DIAPH3: variants seen among roughly 807,000 people sequenced by gnomAD.
The protein encoded by DIAPH3 is protein diaphanous homolog 3.
Under a neutral mutation model 144.3 loss-of-function variants are expected in DIAPH3, and 117 were observed. The observed-to-expected ratio is 0.81, with a 90% CI of 0.70 to 0.95. The LOEUF (loss-of-function observed/expected upper bound fraction) is 0.95. Among genes scored for constraint, DIAPH3 ranks in the 40% least tolerant of loss-of-function variants. The pLI, the probability that DIAPH3 is intolerant of heterozygous loss-of-function variation, is 0.00. For synonymous variants in DIAPH3, 519 were observed against 488.9 expected (o/e 1.06, Z -0.81); for missense variants, 1,421 against 1,412.7 (o/e 1.01, Z -0.09).
intron 20 of DIAPH3, among the ~76,000 whole-genome samples, chr13:59,897,355 G>A (rs562205036): frequency 5.9e-5 from 9 of 152,306 alleles, no homozygotes; most frequent in Admixed American, 2.0e-4. Context: ...ATAACTCTAC[G>A]ACAGTGATGG....
At chr13:60,026,773 T>A (rs1002482251) in intron 5 of DIAPH3, among the ~76,000 whole-genome samples, 1 of 152,208 alleles carries the variant, frequency 6.6e-6, no homozygotes. Context: ...TTTAAGTAGA[T>A]AATATTATAC....
chr13:60,097,266 G>C (rs554908944), intron 3 of DIAPH3, among the ~76,000 whole-genome samples: 1 of 152,300 alleles, frequency 6.6e-6, no homozygotes, highest in South Asian at 2.1e-4. Context: ...TGGAAGTAGG[G>C]CCTAGTGGGA....
At chr13:59,876,158 G>C (rs2044614054) in intron 21 of DIAPH3, among the ~76,000 whole-genome samples, 1 of 152,080 alleles carries the variant, frequency 6.6e-6, no homozygotes, top group Admixed American at 6.6e-5. Flanking sequence ...TTGTGTAGAA[G>C]CTTATCATCA....
Position 59,839,436 on chromosome 13 carries a change from GTT to G in DIAPH3, c.2748_2749del (p.Glu916AspfsTer17). ...CATCTGCCTCAAATTCTTTTCCAGCGTTTCTACAGAGACTAAAAGAGAGTATA... is the reference window on the plus strand; with the variant it reads ...CATCTGCCTCAAATTCTTTTCCAGCGTCTACAGAGACTAAAAGAGAGTATA... On this transcript the variant is annotated frameshift_variant, in exon 23 of 28. Transcript: ENST00000400324. LOFTEE classifies it high-confidence loss of function. 1 of 1,612,982 alleles carries G rather than the reference GTT, an allele frequency of 6.2e-7. No individual in the cohort carries two copies. Among genetic ancestry groups the G allele is most frequent in the Non-Finnish European group, 8.5e-7 (1 of 1,179,566 alleles).
intron 25 of DIAPH3, among the ~76,000 whole-genome samples, chr13:59,777,533 T>C (rs762682850): frequency 6.6e-6 from 1 of 152,188 alleles, no homozygotes; most frequent in Non-Finnish European, 1.5e-5. Context: ...ATAAGGGATG[T>C]AGAGGAACAG....
At chr13:60,160,383 A>T (rs1952235827) in intron 1 of DIAPH3, among the ~76,000 whole-genome samples, 1 of 152,150 alleles carries the variant, frequency 6.6e-6, no homozygotes, top group African/African-American at 2.4e-5. Context: ...ATTAAAAAGA[A>T]CTCCTTCATC....
At chr13:59,963,185 A>C (rs2049857022) in intron 17 of DIAPH3, among the ~76,000 whole-genome samples, 1 of 152,174 alleles carries the variant, frequency 6.6e-6, no homozygotes, top group Non-Finnish European at 1.5e-5. Context: ...ACCTACTCAG[A>C]TGCCAACGCA....
chr13:59,694,492 G>A (rs1263373491), intron 27 of DIAPH3, among the ~76,000 whole-genome samples: 1 of 152,122 alleles, frequency 6.6e-6, no homozygotes, highest in Non-Finnish European at 1.5e-5. Context: ...TTGTGTCTTA[G>A]TTGGGTACTT....
In DIAPH3 at chr13:59,888,740, C is replaced by T. The variant is rs940767889; in HGVS notation, c.2368-9272G>A. On this transcript the variant is annotated intron_variant, in intron 20 of 27. Coordinates refer to ENST00000400324, the MANE Select transcript of DIAPH3 (RefSeq NM_001042517.2). ...GCATATTTCCCTTTTGCCTGAAGGA[C>T]AACTTTTAGCATTTCTTGTAGGGTA... Among the ~76,000 whole-genome samples, 3 of 152,042 alleles carry T rather than the reference C, an allele frequency of 2.0e-5. No homozygotes were observed. The South Asian group carries it at 6.2e-4, about 31-fold the overall frequency.
chr13:60,048,006 G>A (rs770093413), intron 4 of DIAPH3, among the ~76,000 whole-genome samples: 4 of 152,208 alleles, frequency 2.6e-5, no homozygotes, highest in Non-Finnish European at 5.9e-5. Flanking sequence ...CATTATGCAT[G>A]TGTTGGGTCC....
chr13:59,923,225 T>A (rs2047599120), intron 18 of DIAPH3, among the ~76,000 whole-genome samples: 1 of 152,192 alleles, frequency 6.6e-6, no homozygotes, highest in Admixed American at 6.6e-5. Context: ...AAACATTATA[T>A]TTCTTCGGGA....
intron 27 of DIAPH3, among the ~76,000 whole-genome samples, chr13:59,757,918 T>A (rs1390964247): frequency 1.3e-5 from 2 of 151,972 alleles, no homozygotes; most frequent in East Asian, 3.9e-4. Flanking sequence ...CATTGAAAAA[T>A]CATCACAAAC....
At chr13:60,098,918 T>A (rs2058184186) in intron 3 of DIAPH3, among the ~76,000 whole-genome samples, 1 of 152,298 alleles carries the variant, frequency 6.6e-6, no homozygotes, top group African/African-American at 2.4e-5. Context: ...CAGTGAGTAA[T>A]CTGAATGAGG....
chr13:59,761,306 ATAAC>A (rs987892889), intron 27 of DIAPH3, among the ~76,000 whole-genome samples: 7 of 152,186 alleles, frequency 4.6e-5, no homozygotes, highest in African/African-American at 1.7e-4. Flanking sequence ...GTCAACGATT[ATAAC>A]TAACATCAGT....
intron 2 of DIAPH3, among the ~76,000 whole-genome samples, chr13:60,122,229 C>T (rs1280769097): frequency 6.6e-6 from 1 of 152,158 alleles, no homozygotes; most frequent in African/African-American, 2.4e-5. Flanking sequence ...ATCTCCTAAA[C>T]ATGTACAGGT....
intron 5 of DIAPH3, among the ~76,000 whole-genome samples, chr13:60,024,790 A>G (rs755464858): frequency 6.6e-6 from 1 of 152,200 alleles, no homozygotes; most frequent in East Asian, 1.9e-4. Flanking sequence ...GCACCACCTC[A>G]TTACTGCAAG....
chr13:60,023,211 T>G (rs1402694230), intron 5 of DIAPH3, among the ~76,000 whole-genome samples: 1 of 152,072 alleles, frequency 6.6e-6, no homozygotes, highest in Admixed American at 6.6e-5. Flanking sequence ...TTAATTATCT[T>G]AATAGTCAGA....
intron 27 of DIAPH3, among the ~76,000 whole-genome samples, chr13:59,755,806 G>A (rs1398589832): frequency 6.6e-6 from 1 of 152,040 alleles, no homozygotes; most frequent in African/African-American, 2.4e-5. Context: ...TTTCTAATGT[G>A]GCCAAGGTTC....
At chr13:59,906,400 A>T (rs1339480061) in intron 20 of DIAPH3, among the ~76,000 whole-genome samples, 1 of 152,234 alleles carries the variant, frequency 6.6e-6, no homozygotes, top group African/African-American at 2.4e-5. Flanking sequence ...ACAGATTGTT[A>T]AAAATGATCA....
Sources: gnomAD v4.1 joint callset for allele counts (sites outside exome capture counted in the v4.1 genomes callset) on GRCh38, gnomAD v4.1.1 for gene constraint, MANE v1.5 for transcripts, NCBI Gene and HGNC (gene_info 2026-07-23, HGNC 2026-07-21) for gene names.